BTBD9: variants seen among roughly 807,000 people sequenced by gnomAD.
BTBD9 encodes BTB/POZ domain-containing protein 9.
In BTBD9, 49 loss-of-function variants were observed where a neutral mutation model predicts 64.3. The ratio of observed to expected loss-of-function variants is 0.76; its 90% CI spans 0.61 to 0.97. The LOEUF (loss-of-function observed/expected upper bound fraction) is 0.97, where lower values mean the gene tolerates loss of function less well. Ranked by LOEUF, BTBD9 falls within the 50% of genes least tolerant of loss-of-function variation. The pLI, the probability that BTBD9 is intolerant of heterozygous loss-of-function variation, is 0.00. For missense variants in BTBD9, 598 were observed against 762.1 expected (o/e 0.78, Z 2.53); for synonymous variants, 260 against 274.7 (o/e 0.95, Z 0.53).
intron 7 of BTBD9, among the ~76,000 whole-genome samples, chr6:38,299,255 A>G (rs1056163773): frequency 6.6e-6 from 1 of 152,160 alleles, no homozygotes; most frequent in Non-Finnish European, 1.5e-5. Flanking sequence ...CCAGTCTATC[A>G]TTGTTGGACA....
chr6:38,389,347 C>T (rs948100260), intron 6 of BTBD9, among the ~76,000 whole-genome samples: 2 of 152,126 alleles, frequency 1.3e-5, no homozygotes, highest in African/African-American at 4.8e-5. Flanking sequence ...ATCAAAAAAA[C>T]AGGCAAATGC....
intron 6 of BTBD9, among the ~76,000 whole-genome samples, chr6:38,509,535 C>T (rs1329100756): frequency 1.3e-5 from 2 of 152,106 alleles, no homozygotes; most frequent in Non-Finnish European, 2.9e-5. Flanking sequence ...TTTCTCAAAA[C>T]GCAGTGAGAA....
At position 38,362,872 on chromosome 6, in the gene BTBD9, A is replaced by G. The variant is rs149340091; in HGVS notation, c.1155-17779T>C. 3.7e-3 allele frequency among the ~76,000 whole-genome samples: 563 copies of G among 152,280 alleles called. 5 individuals are homozygous for G. Among genetic ancestry groups the G allele is most frequent in the African/African-American group, 0.013 (520 of 41,552 alleles). On this transcript the variant is annotated intron_variant, in intron 6 of 10. Coordinates refer to ENST00000481247, the MANE Select transcript of BTBD9 (RefSeq NM_001099272.2). Reference sequence around the variant, plus strand: ...CTCAAACATAATCACCAAAGAGATAAAAATTCCTCTCTAGAAGGATAATAT... The same window carrying G: ...CTCAAACATAATCACCAAAGAGATAGAAATTCCTCTCTAGAAGGATAATAT...
intron 9 of BTBD9, among the ~76,000 whole-genome samples, chr6:38,225,672 A>C (rs560921816): frequency 2.2e-4 from 33 of 152,308 alleles, no homozygotes; most frequent in Non-Finnish European, 4.1e-4. Context: ...CTATGAAGGA[A>C]TAACAGGGGA....
intron 7 of BTBD9, among the ~76,000 whole-genome samples, chr6:38,331,371 C>CA (rs1356843014): frequency 6.6e-6 from 1 of 151,976 alleles, no homozygotes. Context: ...CCCACCTACT[C>CA]AGGAGGCTGA....
chr6:38,504,876 G>A (rs554505921), intron 6 of BTBD9, among the ~76,000 whole-genome samples: 15 of 152,232 alleles, frequency 9.9e-5, no homozygotes, highest in African/African-American at 3.4e-4. Flanking sequence ...GGTCGATTCC[G>A]GTGCAATTGC....
intron 6 of BTBD9, among the ~76,000 whole-genome samples, chr6:38,359,092 G>A: frequency 6.6e-6 from 1 of 152,186 alleles, no homozygotes; most frequent in East Asian, 1.9e-4. Flanking sequence ...TTTTTGTTAA[G>A]CTAAGGAAAG....
At chr6:38,257,761 G>A (rs1191441257) in intron 8 of BTBD9, among the ~76,000 whole-genome samples, 1 of 152,088 alleles carries the variant, frequency 6.6e-6, no homozygotes, top group Non-Finnish European at 1.5e-5. Context: ...GAAGCTCAAA[G>A]CAGACAATTT....
In BTBD9 at chr6:38,300,714, C is replaced by G. The variant is rs1350248598; in HGVS notation, c.1265-12253G>C. 3.3e-5 allele frequency among the ~76,000 whole-genome samples: 5 copies of G among 152,110 alleles called. No homozygotes were observed. In the East Asian group the frequency reaches 7.7e-4, roughly 23 times the overall value. Reference sequence around the variant, plus strand: ...TGATTTTTGCACATTGATTTTGTATCCTGAGACTTTGCTGAAGTTGCTTAT... The same window carrying G: ...TGATTTTTGCACATTGATTTTGTATGCTGAGACTTTGCTGAAGTTGCTTAT... On this transcript the variant is annotated intron_variant, in intron 7 of 10. Coordinates refer to ENST00000481247, the MANE Select transcript of BTBD9 (RefSeq NM_001099272.2).
At chr6:38,341,338 T>C (rs1370383176) in intron 7 of BTBD9, among the ~76,000 whole-genome samples, 1 of 152,174 alleles carries the variant, frequency 6.6e-6, no homozygotes, top group Non-Finnish European at 1.5e-5. Context: ...GCCTTACTTT[T>C]AGATGTGTAT....
chr6:38,373,066 C>A (rs936696911), intron 6 of BTBD9, among the ~76,000 whole-genome samples: 3 of 152,078 alleles, frequency 2.0e-5, no homozygotes, highest in African/African-American at 4.8e-5. Flanking sequence ...TGACCAGCAG[C>A]AAGCACTTAG....
chr6:38,484,380 A>G (rs1771303950), intron 6 of BTBD9, among the ~76,000 whole-genome samples: 1 of 152,250 alleles, frequency 6.6e-6, no homozygotes, highest in Non-Finnish European at 1.5e-5. Context: ...TGTGGGTTAG[A>G]TTTATAAAAA....
chr6:38,346,651 T>C (rs1019383530), intron 6 of BTBD9, among the ~76,000 whole-genome samples: 1 of 152,194 alleles, frequency 6.6e-6, no homozygotes, highest in African/African-American at 2.4e-5. Context: ...TCAACATAAG[T>C]TCTTACCGGT....
At chr6:38,592,912 T>C (rs1768875546) in intron 3 of BTBD9, 72 bp from the exon 4 acceptor site, 8 of 1,494,800 alleles carry the variant, frequency 5.4e-6, no homozygotes, top group Non-Finnish European at 5.5e-6. Context: ...AGTAAAAGCT[T>C]ACAGGACAAG....
intron 7 of BTBD9, 104 bp downstream of exon 7, chr6:38,344,880 C>T (rs530983328): frequency 3.1e-6 from 2 of 641,160 alleles, no homozygotes; most frequent in Non-Finnish European, 5.0e-6. Flanking sequence ...GCATTTAAAT[C>T]AACCAGAGTC....
chr6:38,575,875 TACC>T (rs889797685), intron 6 of BTBD9, among the ~76,000 whole-genome samples: 2 of 152,122 alleles, frequency 1.3e-5, no homozygotes, highest in Non-Finnish European at 2.9e-5. Flanking sequence ...GTAACAGCTC[TACC>T]AACAAAGTCA....
chr6:38,358,813 G>A (rs1191274755), intron 6 of BTBD9, among the ~76,000 whole-genome samples: 1 of 149,840 alleles, frequency 6.7e-6, no homozygotes, highest in Non-Finnish European at 1.5e-5. Context: ...CGCCCAGGCC[G>A]GACTGCGGAC....
chr6:38,358,796 G>A (rs1433437071), intron 6 of BTBD9, among the ~76,000 whole-genome samples: 2 of 146,984 alleles, frequency 1.4e-5, no homozygotes, highest in East Asian at 2.0e-4. Context: ...ACGGAGTCTC[G>A]CTCTGTCGCC....
At chr6:38,516,283 A>T (rs1773018816) in intron 6 of BTBD9, among the ~76,000 whole-genome samples, 1 of 152,112 alleles carries the variant, frequency 6.6e-6, no homozygotes, top group Admixed American at 6.6e-5. Flanking sequence ...CATTCCATGA[A>T]TTTAAAAAAA....
Sources: gnomAD v4.1 joint callset for allele counts (sites outside exome capture counted in the v4.1 genomes callset) on GRCh38, gnomAD v4.1.1 for gene constraint, MANE v1.5 for transcripts, NCBI Gene and HGNC (gene_info 2026-07-23, HGNC 2026-07-21) for gene names.